RBFOX1: variants seen among roughly 807,000 people sequenced by gnomAD.
RBFOX1 encodes RNA binding fox-1 homolog 1, also known as RNA binding protein fox-1 homolog 1.
Under a neutral mutation model 57.7 loss-of-function variants are expected in RBFOX1, and 8 were observed. The ratio of observed to expected loss-of-function variants is 0.14; its 90% CI spans 0.08 to 0.25. The LOEUF is 0.25. Among genes scored for constraint, RBFOX1 ranks in the 10% least tolerant of loss-of-function variants. The pLI is 1.00. For missense variants in RBFOX1, 611 were observed against 548.5 expected, an observed-to-expected ratio of 1.11 and a Z score of -1.14; for synonymous variants, 326 against 222.4, an observed-to-expected ratio of 1.47 and a Z score of -4.15.
At chr16:5,690,253 C>T (rs1040325849) in intron 3 of RBFOX1, among the ~76,000 whole-genome samples, 2 of 152,320 alleles carry the variant, frequency 1.3e-5, no homozygotes, top group Middle Eastern at 3.4e-3. Context: ...ATGTTATTGT[C>T]ATCACAGTGT....
intron 13 of RBFOX1, among the ~76,000 whole-genome samples, chr16:7,668,022 G>C (rs1351356814): frequency 5.9e-5 from 9 of 152,068 alleles, no homozygotes; most frequent in African/African-American, 1.9e-4. Flanking sequence ...TCTAGCTTCG[G>C]TCACTGCTAA....
chr16:7,323,449 A>T (rs1046113684), intron 4 of RBFOX1, among the ~76,000 whole-genome samples: 1 of 152,298 alleles, frequency 6.6e-6, no homozygotes, highest in Admixed American at 6.5e-5. Context: ...TAATTTTCTA[A>T]AAACCCAGGC....
chr16:6,417,223 G>T (rs2093648044), intron 2 of RBFOX1, among the ~76,000 whole-genome samples: 1 of 151,764 alleles, frequency 6.6e-6, no homozygotes, highest in African/African-American at 2.4e-5. Flanking sequence ...TGTTGGCCAG[G>T]CTGGTCTCGA....
chr16:7,519,934 G>A (rs1288343087), intron 5 of RBFOX1, among the ~76,000 whole-genome samples: 1 of 152,178 alleles, frequency 6.6e-6, no homozygotes, highest in East Asian at 1.9e-4. Context: ...TGCCCAGGCT[G>A]GAGTGCGGTG....
intron 3 of RBFOX1, among the ~76,000 whole-genome samples, chr16:6,937,271 C>G (rs1476693473): frequency 6.6e-6 from 1 of 152,148 alleles, no homozygotes; most frequent in Non-Finnish European, 1.5e-5. Flanking sequence ...ATTGCCAACT[C>G]ACGACCAACA....
chr16:6,785,228 C>G (rs1405667698), intron 3 of RBFOX1, among the ~76,000 whole-genome samples: 2 of 152,122 alleles, frequency 1.3e-5, no homozygotes, highest in South Asian at 4.2e-4. Context: ...AGGGAATCTC[C>G]CAGTCCGTTC....
At chr16:6,094,635 C>T (rs2096221874) in intron 1 of RBFOX1, among the ~76,000 whole-genome samples, 1 of 152,170 alleles carries the variant, frequency 6.6e-6, no homozygotes, top group Non-Finnish European at 1.5e-5. Flanking sequence ...AGTTTTTATT[C>T]CAAGTTCTCC....
At chr16:7,369,893 C>A (rs2097536335) in intron 4 of RBFOX1, among the ~76,000 whole-genome samples, 1 of 152,184 alleles carries the variant, frequency 6.6e-6, no homozygotes. Context: ...AAGGCTTATC[C>A]CCACTTTACA....
At chr16:7,680,891 CACACACACACGT>C (rs60219318) in intron 14 of RBFOX1, among the ~76,000 whole-genome samples, 17,223 of 152,010 alleles carry the variant, frequency 0.11, 976 homozygotes, top group Middle Eastern at 0.15. Context: ...TTCCTCTCTG[CACACACACACGT>C]ACACACACAC....
chr16:6,471,660 C>G (rs1276112123), intron 2 of RBFOX1, among the ~76,000 whole-genome samples: 1 of 151,558 alleles, frequency 6.6e-6, no homozygotes, highest in Non-Finnish European at 1.5e-5. Flanking sequence ...TTCTGACAGG[C>G]TGGCCCACCA....
At chr16:5,704,281 C>G (rs924030493) in intron 3 of RBFOX1, among the ~76,000 whole-genome samples, 1 of 152,272 alleles carries the variant, frequency 6.6e-6, no homozygotes, top group South Asian at 2.1e-4. Context: ...CCCAGCCAAA[C>G]TCCTCTGGAG....
chr16:5,850,929 G>A (rs1193458198), intron 3 of RBFOX1, among the ~76,000 whole-genome samples: 1 of 152,230 alleles, frequency 6.6e-6, no homozygotes, highest in Admixed American at 6.5e-5. Flanking sequence ...CAGCCTGGCT[G>A]GAGATGGCAT....
intron 4 of RBFOX1, among the ~76,000 whole-genome samples, chr16:7,366,465 C>T (rs1237379626): frequency 1.3e-5 from 2 of 152,146 alleles, no homozygotes; most frequent in Non-Finnish European, 2.9e-5. Flanking sequence ...TGCCTCCAGG[C>T]TTGTGAATTG....
At chr16:7,220,365 T>A (rs2092631315) in intron 4 of RBFOX1, among the ~76,000 whole-genome samples, 1 of 152,200 alleles carries the variant, frequency 6.6e-6, no homozygotes, top group Non-Finnish European at 1.5e-5. Flanking sequence ...GCCCCAAGTA[T>A]AGGACAACTA....
chr16:7,104,546 T>C (rs897786271), intron 4 of RBFOX1, among the ~76,000 whole-genome samples: 1 of 152,138 alleles, frequency 6.6e-6, no homozygotes, highest in African/African-American at 2.4e-5. Flanking sequence ...ATTACGCAAA[T>C]AATTTATGAT....
intron 4 of RBFOX1, among the ~76,000 whole-genome samples, chr16:6,013,870 A>AG (rs1248421516): frequency 4.6e-5 from 7 of 151,420 alleles, no homozygotes; most frequent in Non-Finnish European, 7.4e-5. Context: ...GGAAAAAAAA[A>AG]CAAACACCGC....
chr16:5,944,378 A>G (rs1036804263), intron 4 of RBFOX1, among the ~76,000 whole-genome samples: 8 of 152,196 alleles, frequency 5.3e-5, no homozygotes, highest in Non-Finnish European at 1.0e-4. Context: ...ATAGCTGTGT[A>G]TACATAGCAG....
chr16:7,186,239 T>TATATAAACATAAACATATTTATATAA (rs1567617142), intron 4 of RBFOX1, among the ~76,000 whole-genome samples: 1,180 of 74,006 alleles, frequency 0.016, 60 homozygotes, highest in Non-Finnish European at 0.019. Flanking sequence ...TAAACATATT[T>TATATAAACATAAACATATTTATATAA]ATATAAACAT....
At position 6,374,614 on chromosome 16, in the gene RBFOX1, C is replaced by A. The variant is rs960751377; in HGVS notation, c.-64+57557C>A. On this transcript the variant is annotated intron_variant, in intron 2 of 15. Transcript: ENST00000550418. ...TAAGAACAAGAAGACGTTACTCTAG[C>A]TGAAAATGTCTTTTTTCCACAGTAC... Among the ~76,000 whole-genome samples the A allele has an allele frequency of 6.6e-5, 10 of 152,116 alleles. No individual in the cohort carries two copies. In the East Asian group the frequency reaches 9.6e-4, roughly 15 times the overall value.
Sources: allele counts gnomAD v4.1 joint callset (sites outside exome capture counted in the v4.1 genomes callset), GRCh38; gene constraint gnomAD v4.1.1; transcripts MANE v1.5; gene names NCBI Gene and HGNC (gene_info 2026-07-23, HGNC 2026-07-21).